Variants in RAB38 observed in about 807,000 individuals in gnomAD.
RAB38 encodes RAB38, member RAS oncogene family.
Under a neutral mutation model 18.4 loss-of-function variants are expected in RAB38, and 15 were observed. The observed-to-expected ratio is 0.82, with a 90% CI of 0.55 to 1.26. The LOEUF is 1.26. RAB38 is among the 50% of genes most tolerant of loss of function. The pLI is 0.00. For missense variants in RAB38, 294 were observed against 267.4 expected (o/e 1.10, Z -0.69); for synonymous variants, 101 against 104.4 (o/e 0.97, Z 0.20).
At chr11:88,033,201 G>A in the RAB38 span, among the ~76,000 whole-genome samples, 1 of 151,944 alleles carries the variant, frequency 6.6e-6, no homozygotes, top group Non-Finnish European at 1.5e-5. Context: ...CACAGGAAGG[G>A]GAACGTGACA....
the RAB38 span, among the ~76,000 whole-genome samples, chr11:87,917,780 C>G: frequency 6.6e-6 from 1 of 152,078 alleles, no homozygotes; most frequent in Non-Finnish European, 1.5e-5. Context: ...GGATCCTTAA[C>G]TATAAATTCA....
chr11:87,896,909 T>C, the RAB38 span, among the ~76,000 whole-genome samples: 35 of 151,754 alleles, frequency 2.3e-4, no homozygotes, highest in South Asian at 6.8e-3. Flanking sequence ...ATTAGTTTTA[T>C]CCTATTCTAA....
At chr11:87,893,218 C>A in the RAB38 span, among the ~76,000 whole-genome samples, 1 of 150,854 alleles carries the variant, frequency 6.6e-6, no homozygotes, top group African/African-American at 2.4e-5. Flanking sequence ...ATCACACTGG[C>A]AGCTTCCAAA....
chr11:87,900,720 T>TAGGGAAGAAGGAAGAGGGAGGG, the RAB38 span, among the ~76,000 whole-genome samples: 4 of 123,536 alleles, frequency 3.2e-5, no homozygotes, highest in African/African-American at 1.3e-4. Flanking sequence ...GGAAGAGAGG[T>TAGGGAAGAAGGAAGAGGGAGGG]AGGGAAGAAG....
At chr11:87,804,729 G>C in the RAB38 span, among the ~76,000 whole-genome samples, 135,995 of 152,196 alleles carry the variant, frequency 0.89, 60,905 homozygotes, top group East Asian at 0.99. Context: ...GATATCTGCT[G>C]TATACTTCAA....
At chr11:87,949,764 A>T in the RAB38 span, among the ~76,000 whole-genome samples, 1 of 152,160 alleles carries the variant, frequency 6.6e-6, no homozygotes. Flanking sequence ...ACAGTTTGTT[A>T]TAATTTTTGT....
At chr11:88,137,769 A>G (rs1001058268) in intron 2 of RAB38, among the ~76,000 whole-genome samples, 1 of 152,224 alleles carries the variant, frequency 6.6e-6, no homozygotes, top group Admixed American at 6.5e-5. Flanking sequence ...TCAGATTACC[A>G]GGGGTAAAGA....
At chr11:87,909,896 C>A in the RAB38 span, among the ~76,000 whole-genome samples, 1 of 152,002 alleles carries the variant, frequency 6.6e-6, no homozygotes, top group Admixed American at 6.6e-5. Context: ...TTTATATAAA[C>A]ATATGCATTA....
At chr11:88,149,621 C>T in intron 2 of RAB38, 54 bp downstream of exon 2, 1 of 1,531,994 alleles carries the variant, frequency 6.5e-7, no homozygotes, top group Non-Finnish European at 8.8e-7. Flanking sequence ...GATTATGTGC[C>T]ATTTTCTTTG....
the RAB38 span, chr11:87,817,458 AT>A: frequency 1.3e-5 from 2 of 152,184 alleles, no homozygotes; most frequent in African/African-American, 2.4e-5. Context: ...TGTTTAAAAT[AT>A]TGATAAATCG....
chr11:87,874,230 T>C, the RAB38 span, among the ~76,000 whole-genome samples: 1 of 151,314 alleles, frequency 6.6e-6, no homozygotes, highest in Admixed American at 6.6e-5. Context: ...ACATTGTTCA[T>C]ATTGTGTGAA....
chr11:87,891,583 A>G, the RAB38 span, among the ~76,000 whole-genome samples: 1 of 151,842 alleles, frequency 6.6e-6, no homozygotes, highest in South Asian at 2.1e-4. Context: ...GACCTTTTTC[A>G]TTAGAAATAT....
At chr11:87,872,987 G>C in the RAB38 span, among the ~76,000 whole-genome samples, 2 of 151,658 alleles carry the variant, frequency 1.3e-5, no homozygotes, top group Non-Finnish European at 3.0e-5. Context: ...CACAATTACT[G>C]AATCGCATAG....
At chr11:87,872,886 T>A in the RAB38 span, among the ~76,000 whole-genome samples, 1 of 151,616 alleles carries the variant, frequency 6.6e-6, no homozygotes, top group South Asian at 2.1e-4. Context: ...ACTTCCAAGT[T>A]TTGGCAATTA....
chr11:87,887,070 G>A, the RAB38 span, among the ~76,000 whole-genome samples: 1 of 151,954 alleles, frequency 6.6e-6, no homozygotes. Flanking sequence ...TTTGTGCTAG[G>A]TGGTGTGCTA....
the RAB38 span, among the ~76,000 whole-genome samples, chr11:87,840,501 C>T: frequency 6.6e-6 from 1 of 152,162 alleles, no homozygotes; most frequent in Non-Finnish European, 1.5e-5. Flanking sequence ...CAGGGTAACA[C>T]AGGTCCTACA....
At chr11:87,926,013 A>G in the RAB38 span, among the ~76,000 whole-genome samples, 2 of 151,704 alleles carry the variant, frequency 1.3e-5, no homozygotes, top group African/African-American at 4.8e-5. Context: ...ATGCCCCTCT[A>G]CCTCTACCAA....
chr11:87,941,771 T>C, the RAB38 span, among the ~76,000 whole-genome samples: 2 of 152,156 alleles, frequency 1.3e-5, no homozygotes, highest in African/African-American at 4.8e-5. Context: ...CTAAAGAACA[T>C]GATTAATTAC....
the RAB38 span, among the ~76,000 whole-genome samples, chr11:88,083,691 C>T: frequency 6.6e-6 from 1 of 151,846 alleles, no homozygotes; most frequent in Non-Finnish European, 1.5e-5. Context: ...TGGACTAATG[C>T]CTTCTAAAAG....
Sources: gnomAD v4.1 joint callset for allele counts (sites outside exome capture counted in the v4.1 genomes callset) on GRCh38, gnomAD v4.1.1 for gene constraint, MANE v1.5 for transcripts, NCBI Gene and HGNC (gene_info 2026-07-23, HGNC 2026-07-21) for gene names.